RANBP17: variants seen among roughly 807,000 people sequenced by gnomAD.
The protein encoded by RANBP17 is RAN binding protein 17, also known as ran-binding protein 17.
A neutral mutation model predicts 141.2 loss-of-function variants in RANBP17; 158 were observed. The ratio of observed to expected loss-of-function variants is 1.12; its 90% CI spans 0.98 to 1.28. The LOEUF is 1.28. RANBP17 is among the 50% of genes most tolerant of loss of function. The probability of loss-of-function intolerance (pLI) is 0.00; values close to 1 mark genes in which losing one functional copy is unlikely to be tolerated. For synonymous variants in RANBP17, 430 were observed against 450.0 expected (o/e 0.96, Z 0.56); for missense variants, 1,438 against 1,290.7 (o/e 1.11, Z -1.75).
chr5:170,873,034 C>A (rs1561843532), intron 1 of RANBP17, among the ~76,000 whole-genome samples: 1 of 152,164 alleles, frequency 6.6e-6, no homozygotes, highest in African/African-American at 2.4e-5. Context: ...GCCTTAGCTT[C>A]CCAAGTAGCT....
rs761406174 is a variant in RANBP17 at position 170,960,263 on chromosome 5, CTTG to C, written c.1574+6567_1574+6569del. ...CTTCTGTGGATAGGACCCATTGTCA[CTTG>C]TTGTTTTTAACCTCAACTAGGCCCT... On this transcript the variant is annotated intron_variant, in intron 13 of 27. Transcript: ENST00000523189. Among the ~76,000 whole-genome samples the C allele has an allele frequency of 2.0e-5, 3 of 152,156 alleles. No individual in the cohort carries two copies. In the South Asian group the frequency reaches 6.2e-4, roughly 32 times the overall value.
chr5:170,939,774 AAGAC>A (rs911256525), intron 12 of RANBP17, among the ~76,000 whole-genome samples: 4 of 152,202 alleles, frequency 2.6e-5, no homozygotes, highest in Non-Finnish European at 5.9e-5. Context: ...AAAACATGAA[AAGAC>A]AGAAGCATGT....
At chr5:171,201,960 T>C (rs1762322544) in intron 19 of RANBP17, among the ~76,000 whole-genome samples, 1 of 152,208 alleles carries the variant, frequency 6.6e-6, no homozygotes, top group Admixed American at 6.5e-5. Flanking sequence ...GTGATGCTGT[T>C]AAAATATCTC....
intron 19 of RANBP17, among the ~76,000 whole-genome samples, chr5:171,201,929 T>C (rs1762320098): frequency 6.6e-6 from 1 of 152,244 alleles, no homozygotes; most frequent in Non-Finnish European, 1.5e-5. Flanking sequence ...ATAAAGTATT[T>C]AGTATTCCAA....
intron 21 of RANBP17, among the ~76,000 whole-genome samples, chr5:171,214,204 T>C (rs1481503898): frequency 6.6e-6 from 1 of 152,218 alleles, no homozygotes; most frequent in East Asian, 1.9e-4. Context: ...TTATTCCTGC[T>C]TTCACTTCTA....
intron 3 of RANBP17, among the ~76,000 whole-genome samples, chr5:170,888,709 A>G (rs1180205645): frequency 1.3e-5 from 2 of 151,886 alleles, no homozygotes; most frequent in Non-Finnish European, 2.9e-5. Context: ...TTCTTATTGC[A>G]TTTTCTAGGA....
intron 27 of RANBP17, 99 bp downstream of exon 27, chr5:171,296,113 C>T (rs1768801436): frequency 1.6e-6 from 2 of 1,215,918 alleles, no homozygotes; most frequent in Non-Finnish European, 2.3e-6. Context: ...CATGGATGTC[C>T]CTTTTCTGTT....
rs749895335 is a variant in RANBP17 at position 171,241,014 on chromosome 5, C to G, written c.2509C>G (p.Leu837Val). The part of the protein sequence containing the change: ...LKGISICYSA[L>V]KSALCGNYVS... The stretch of plus-strand genomic sequence containing the variant: ...GGGCATCTCCATCTGCTATTCAGCT[C>G]TCAAGTCTGCCTTGTGTGGAAATTA... The change falls in exon 23 of 28, where the codon CTC becomes GTC. Residue 837 changes from leucine to valine, a missense_variant. Coordinates refer to ENST00000523189, the MANE Select transcript of RANBP17 (RefSeq NM_022897.5). The G allele has an allele frequency of 3.1e-6, 5 of 1,613,946 alleles. No individual in the cohort carries two copies. The highest frequency in any genetic ancestry group is 2.2e-5 in the East Asian group (1 of 44,872).
chr5:171,261,627 C>T (rs1299971079), intron 24 of RANBP17, among the ~76,000 whole-genome samples: 1 of 152,174 alleles, frequency 6.6e-6, no homozygotes, highest in African/African-American at 2.4e-5. Context: ...AGAAGAGAAG[C>T]ACTTGATTGT....
intron 12 of RANBP17, among the ~76,000 whole-genome samples, chr5:170,952,622 TTTC>T (rs1775296367): frequency 6.6e-6 from 1 of 151,972 alleles, no homozygotes; most frequent in South Asian, 2.1e-4. Context: ...GATAGCCTCT[TTTC>T]TTCATTATTC....
chr5:170,968,181 T>C, intron 13 of RANBP17, 61 bp from the exon 14 acceptor site: 1 of 1,198,140 alleles, frequency 8.3e-7, no homozygotes, highest in South Asian at 1.7e-5. Flanking sequence ...GGTAAATGTT[T>C]TAATGTTGTT....
intron 14 of RANBP17, among the ~76,000 whole-genome samples, chr5:171,072,238 G>C (rs1784674748): frequency 2.0e-5 from 3 of 152,058 alleles, no homozygotes; most frequent in Admixed American, 2.0e-4. Context: ...CTAGAAGCTA[G>C]AAAAAGCATG....
Position 171,202,414 on chromosome 5 carries a change from G to A in RANBP17, c.2142+2641G>A, listed in dbSNP as rs116614498. ...AAGGAAAATGAATGAAAACTTCTCA[G>A]AGAAAGAGAAGCAGTTAAATAGGAA... is the stretch of plus-strand genomic sequence containing the variant. On this transcript the variant is annotated intron_variant, in intron 19 of 27. Coordinates refer to ENST00000523189, the MANE Select transcript of RANBP17 (RefSeq NM_022897.5). Among the ~76,000 whole-genome samples the A allele has an allele frequency of 1.7e-3, 264 of 152,240 alleles. 1 individual carries two copies. The highest frequency in any genetic ancestry group is 5.6e-3 in the African/African-American group (232 of 41,546).
intron 22 of RANBP17, among the ~76,000 whole-genome samples, chr5:171,235,747 G>T (rs564067186): frequency 6.6e-6 from 1 of 152,006 alleles, no homozygotes; most frequent in Non-Finnish European, 1.5e-5. Flanking sequence ...GACTGATGAT[G>T]CATGCCACTA....
chr5:171,052,877 A>T (rs1783045594), intron 14 of RANBP17, among the ~76,000 whole-genome samples: 1 of 151,968 alleles, frequency 6.6e-6, no homozygotes, highest in African/African-American at 2.4e-5. Flanking sequence ...TTTGAGATGG[A>T]GTTTCACTGT....
chr5:171,294,175 C>T (rs1456180676), intron 26 of RANBP17, among the ~76,000 whole-genome samples, 194 bp downstream of exon 26: 1 of 152,162 alleles, frequency 6.6e-6, no homozygotes, highest in Non-Finnish European at 1.5e-5. Context: ...TTCAGGTAAG[C>T]AGAGGCCTCA....
intron 14 of RANBP17, among the ~76,000 whole-genome samples, chr5:171,152,358 G>T (rs1325478572): frequency 1.3e-5 from 2 of 151,308 alleles, no homozygotes; most frequent in Non-Finnish European, 2.9e-5. Flanking sequence ...GGCGGAGGTT[G>T]CAGTGAGCTG....
At chr5:170,935,836 G>C (rs11951399) in intron 12 of RANBP17, among the ~76,000 whole-genome samples, 1 of 152,120 alleles carries the variant, frequency 6.6e-6, no homozygotes, top group East Asian at 1.9e-4. Context: ...AGACAGGGAC[G>C]TTTAAGTCTG....
intron 22 of RANBP17, among the ~76,000 whole-genome samples, chr5:171,230,329 A>G (rs1423735582): frequency 1.3e-5 from 2 of 152,244 alleles, no homozygotes; most frequent in Non-Finnish European, 2.9e-5. Context: ...TACAAAGCAC[A>G]TAAATATAGA....
Sources: gnomAD v4.1 joint callset for allele counts (sites outside exome capture counted in the v4.1 genomes callset) on GRCh38, gnomAD v4.1.1 for gene constraint, MANE v1.5 for transcripts, NCBI Gene and HGNC (gene_info 2026-07-23, HGNC 2026-07-21) for gene names.